Variants in PER2 observed in about 807,000 individuals in gnomAD.
PER2 encodes period circadian regulator 2, also known as period circadian protein homolog 2.
Under a neutral mutation model 121.0 loss-of-function variants are expected in PER2, and 66 were observed. That is an observed-to-expected ratio of 0.55 (90% CI 0.45 to 0.67). The LOEUF is 0.67. PER2 is among the 30% of genes least tolerant of loss of function. PER2 has a pLI of 0.00. For missense variants in PER2, 1,521 were observed against 1,635.0 expected (o/e 0.93, Z 1.20); for synonymous variants, 684 against 659.9 (o/e 1.04, Z -0.56).
chr2:238,263,032 G>C lies in PER2; in HGVS notation c.1073C>G (p.Pro358Arg), dbSNP rs2106378763. 6.2e-7 allele frequency: 1 copy of C among 1,613,790 alleles called. No homozygotes were observed. The highest frequency in any genetic ancestry group is 1.1e-5 in the South Asian group (1 of 91,042). The stretch of plus-strand genomic sequence containing the variant: ...CACTGGGGTTTCAATCAGGTCCTGA[G>C]GTAGGTAGCCCAGGAGAGGGACCGC... ...ERAVPLLGYL[P>R]QDLIETPVLV... Residue 358 changes from proline (P) to arginine (R), a missense_variant, in exon 10 of 23, where the codon CCT (proline) becomes CGT (arginine). Transcript: ENST00000254657.
In PER2 at chr2:238,251,590, C is replaced by G; in HGVS notation, c.3274+9G>C. The G allele has an allele frequency of 6.2e-7, 1 of 1,613,602 alleles. No homozygotes were observed. The highest frequency in any genetic ancestry group is 8.5e-7 in the Non-Finnish European group (1 of 1,179,612). The stretch of plus-strand genomic sequence containing the variant: ...CCAAGTGCCTAACACCCCGCCAGGG[C>G]CAACATACCTGCCCCACTCGGGGAG... On this transcript the variant is annotated intron_variant, in intron 20 of 22. Coordinates refer to ENST00000254657, the MANE Select transcript of PER2 (RefSeq NM_022817.3).
rs2304670 is a variant in PER2, at chr2:238,256,995, C to T, written c.1992G>A (p.Ala664=). 0.092 allele frequency: 148,392 copies of T among 1,613,452 alleles called. 7,586 individuals are homozygous for T. The highest frequency in any genetic ancestry group is 0.14 in the South Asian group (12,698 of 91,062). ...LALPGKAESV[A]SLTSQCSYSS... is the part of the protein sequence containing the mutation. ...TGTAGCTGCACTGGCTGGTGAGCGA[C>T]GCCACACTCTCTGCCTTGCCCGGCA... Residue 664 remains alanine (A), a synonymous_variant, in exon 17 of 23, where the codon GCG becomes GCA. Transcript: ENST00000254657.
chr2:238,299,373 CTCTACTAAAAA>C, the PER2 span: 1 of 151,914 alleles, frequency 6.6e-6, no homozygotes, highest in Non-Finnish European at 1.5e-5. Flanking sequence ...AAATCCCCCT[CTCTACTAAAAA>C]TACAAAAGCT....
Position 238,251,740 on chromosome 2 carries a change from G to C in PER2, c.3133C>G (p.Gln1045Glu). The change falls in exon 20 of 23, where the codon CAG becomes GAG. Residue 1045 changes from glutamine (Q) to glutamate (E), a missense_variant. Coordinates refer to ENST00000254657, the MANE Select transcript of PER2 (RefSeq NM_022817.3). The stretch of plus-strand genomic sequence containing the variant: ...GACGTGGAAAGGGCGTCACTGTTCT[G>C]TGTGTCTGAGGGTTCATCACGCTTT... ...PLTRDEPSDT[Q>E]NSDALSTSSG... 1 of 1,612,424 alleles carries C rather than the reference G, an allele frequency of 6.2e-7. No homozygotes were observed. The highest frequency in any genetic ancestry group is 8.5e-7 in the Non-Finnish European group (1 of 1,179,136).
At chr2:238,265,910 T>TTC (rs1320415351) in intron 8 of PER2, among the ~76,000 whole-genome samples, 1 of 152,048 alleles carries the variant, frequency 6.6e-6, no homozygotes, top group African/African-American at 2.4e-5. Context: ...TACGATTTTT[T>TTC]TTTTTTTTTT....
In PER2 at chr2:238,268,310, G is replaced by C. The variant is rs116247873; in HGVS notation, c.825-112C>G. 2,966 of 1,139,096 alleles carry C rather than the reference G, an allele frequency of 2.6e-3. 61 individuals carry two copies. In the African/African-American group the frequency reaches 0.04, roughly 15 times the overall value. 70.6% of individuals were successfully genotyped at this position (1,139,096 alleles called of 1,614,324 possible). Reference sequence around the variant, plus strand: ...CATGCTGCAGGTGATGTGTACCTCTGCTCTGCCTGAGGAGCTGGGCCTGCC... The same window carrying C: ...CATGCTGCAGGTGATGTGTACCTCTCCTCTGCCTGAGGAGCTGGGCCTGCC... On this transcript the variant is annotated intron_variant, in intron 7 of 22. Transcript: ENST00000254657. The surrounding 1 kb of genome is among the most constrained non-coding windows in gnomAD (Gnocchi z 4.0).
Position 238,245,154 on chromosome 2 carries a change from C to G in PER2, c.*1221G>C, listed in dbSNP as rs1274391750. On this transcript the variant is annotated 3_prime_UTR_variant, in exon 23 of 23. Transcript: ENST00000254657. ...TTCAGTGATAACTTTGAATTTCCAC[C>G]AGGGACCAATATTAAATTTTCTGAA... 6.2e-6 allele frequency: 1 copy of G among 160,880 alleles called. No homozygotes were observed. Among genetic ancestry groups the G allele is most frequent in the Non-Finnish European group, 1.3e-5 (1 of 74,444 alleles). 10.0% of individuals were successfully genotyped at this position (160,880 alleles called of 1,614,324 possible).
At position 238,260,085 on chromosome 2, in the gene PER2, ATTCTAGGAGACCTCC is replaced by A. The variant is rs373399981; in HGVS notation, c.1543-47_1543-33del. ...GAAAAACAAAATGAACACATTATTC[ATTCTAGGAGACCTCC>A]TTCAGTCTGTCCGGCAAAGTGAGAA... On this transcript the variant is annotated intron_variant, in intron 13 of 22. Transcript: ENST00000254657. The A allele has an allele frequency of 1.5e-3, 1,376 of 936,880 alleles. 19 individuals are homozygous for A. In the African/African-American group the frequency reaches 0.02, roughly 13 times the overall value. 58.0% of individuals were successfully genotyped at this position (936,880 alleles called of 1,614,324 possible).
chr2:238,272,835 A>G (rs1349374795), intron 5 of PER2, among the ~76,000 whole-genome samples: 1 of 152,238 alleles, frequency 6.6e-6, no homozygotes, highest in East Asian at 1.9e-4. Context: ...CCCATGAGCT[A>G]CAGGACAAAG....
At position 238,259,552 on chromosome 2, in the gene PER2, T is replaced by TTG. The variant is rs1012144336; in HGVS notation, c.1627+415_1627+416dup. Among the ~76,000 whole-genome samples, 13 of 151,914 alleles carry TTG rather than the reference T, an allele frequency of 8.6e-5. No individual in the cohort carries two copies. The East Asian group carries it at 1.2e-3, about 14-fold the overall frequency. ...TGGATGCTGGGCAAACCGTCGGCAG[T>TTG]TGTGTGTGTGTGTGAGTGAAGGGTT... On this transcript the variant is annotated intron_variant, in intron 14 of 22. Coordinates refer to ENST00000254657, the MANE Select transcript of PER2 (RefSeq NM_022817.3).
intron 1 of PER2, among the ~76,000 whole-genome samples, chr2:238,284,799 G>A (rs960120290): frequency 1.3e-5 from 2 of 152,214 alleles, no homozygotes; most frequent in African/African-American, 4.8e-5. Context: ...GCAGAAATGT[G>A]AAAGCCAAAT....
In PER2 at chr2:238,277,730, C is replaced by T. The variant is rs1439383210; in HGVS notation, c.207G>A (p.Val69=). 3.1e-6 allele frequency: 5 copies of T among 1,614,206 alleles called. No individual in the cohort carries two copies. The highest frequency in any genetic ancestry group is 1.7e-5 in the Admixed American group (1 of 60,030). Residue 69 remains valine, a synonymous_variant, in exon 2 of 23, where the codon GTG becomes GTA. Coordinates refer to ENST00000254657, the MANE Select transcript of PER2 (RefSeq NM_022817.3). The part of the protein sequence containing the change: ...DDSGKELGML[V]EPPDARQSPD... ...ACCTCTGGCGGGCATCCGGTGGCTC[C>T]ACCAGCATCCCCAGCTCCTTCCCAC...
chr2:238,295,297 CCTT>C, the PER2 span: 3 of 79,580 alleles, frequency 3.8e-5, no homozygotes, highest in Non-Finnish European at 1.0e-4. Context: ...TCTTCTTTCT[CCTT>C]CTCCTTCTCC....
intron 6 of PER2, 76 bp from the exon 7 acceptor site, chr2:238,269,050 G>A (rs1696202415): frequency 7.0e-6 from 8 of 1,140,752 alleles, no homozygotes; most frequent in Non-Finnish European, 1.1e-5. Flanking sequence ...ACAAACAAAA[G>A]AGGAGCAGCA....
Position 238,277,870 on chromosome 2 carries a change from G to T in PER2, c.67C>A (p.Pro23Thr). ...TCTTCCTGCAGTGGGACCTGGCTGG[G>T]CTGGGGCTCCACGGGCTCCTTGGTG... is the stretch of plus-strand genomic sequence containing the variant. ...NPTKEPVEPQ[P>T]SQVPLQEDVD... The change falls in exon 2 of 23, where the codon CCC becomes ACC. Residue 23 changes from proline (P) to threonine (T), a missense_variant. Coordinates refer to ENST00000254657, the MANE Select transcript of PER2 (RefSeq NM_022817.3). 6.2e-7 allele frequency: 1 copy of T among 1,614,188 alleles called. No individual in the cohort carries two copies. Among genetic ancestry groups the T allele is most frequent in the Non-Finnish European group, 8.5e-7 (1 of 1,180,040 alleles).
At chr2:238,275,244 A>C (rs973040419) in intron 4 of PER2, among the ~76,000 whole-genome samples, 9 of 152,220 alleles carry the variant, frequency 5.9e-5, no homozygotes, top group African/African-American at 2.2e-4. Context: ...AGGTGCTCAC[A>C]CACCAACTGG....
In PER2 at chr2:238,251,689, T is replaced by G; in HGVS notation, c.3184A>C (p.Asn1062His). 6.2e-7 allele frequency: 1 copy of G among 1,614,034 alleles called. No individual in the cohort carries two copies. Among genetic ancestry groups the G allele is most frequent in the Non-Finnish European group, 8.5e-7 (1 of 1,179,904 alleles). Residue 1062 changes from asparagine (N) to histidine (H), a missense_variant, in exon 20 of 23, where the codon AAT becomes CAT. Coordinates refer to ENST00000254657, the MANE Select transcript of PER2 (RefSeq NM_022817.3). ...CCCGAGGCTGAGCAGAGGTCCTCAT[T>G]CAGCAGGAGGTTTAGGAGGCCGCTT... ...TSSGLLNLLL[N>H]EDLCSASGSA...
rs548127590 is a variant in PER2 at position 238,251,053 on chromosome 2, C to T, written c.3275-310G>A. Reference sequence around the variant, plus strand: ...TCACCATCTCCACTCATGTGGACCACAGGGCACTGCAGTTTCCCACAAGGG... The same window carrying T: ...TCACCATCTCCACTCATGTGGACCATAGGGCACTGCAGTTTCCCACAAGGG... On this transcript the variant is annotated intron_variant, in intron 20 of 22. Coordinates refer to ENST00000254657, the MANE Select transcript of PER2 (RefSeq NM_022817.3). Among the ~76,000 whole-genome samples, 17 of 152,380 alleles carry T rather than the reference C, an allele frequency of 1.1e-4. No homozygotes were observed. In the South Asian group the frequency reaches 3.5e-3, roughly 32 times the overall value.
chr2:238,271,390 C>T lies in PER2; in HGVS notation c.694G>A (p.Ala232Thr), dbSNP rs754458628. 6.2e-7 allele frequency: 1 copy of T among 1,614,070 alleles called. No individual in the cohort carries two copies. The highest frequency in any genetic ancestry group is 1.7e-5 in the Admixed American group (1 of 60,012). The change falls in exon 6 of 23, where the codon GCG becomes ACG. Residue 232 changes from alanine (A) to threonine (T), a missense_variant. Coordinates refer to ENST00000254657, the MANE Select transcript of PER2 (RefSeq NM_022817.3). ...TGGAACACGCCCACATCGTGAGGCG[C>T]CAGGAACTCCACAAACTTGGCATCG... Reference protein sequence around the residue: ...FSDAKFVEFLAPHDVGVFHSF... With the variant: ...FSDAKFVEFLTPHDVGVFHSF...
Sources: gnomAD v4.1 joint callset for allele counts (sites outside exome capture counted in the v4.1 genomes callset) on GRCh38, gnomAD v4.1.1 for gene constraint, Gnocchi (gnomAD v3.1) non-coding constraint, MANE v1.5 for transcripts, NCBI Gene and HGNC (gene_info 2026-07-23, HGNC 2026-07-21) for gene names.